GRB2: variants seen among roughly 807,000 people sequenced by gnomAD.
GRB2 encodes growth factor receptor bound protein 2.
A neutral mutation model predicts 27.4 loss-of-function variants in GRB2; 2 were observed. The observed-to-expected ratio is 0.07, with a 90% CI of 0.03 to 0.23. GRB2 has a LOEUF of 0.23. Among genes scored for constraint, GRB2 ranks in the 10% least tolerant of loss-of-function variants. The pLI is 1.00. For missense variants in GRB2, 102 were observed against 282.4 expected, an observed-to-expected ratio of 0.36 and a Z score of 4.58; for synonymous variants, 94 against 99.6, an observed-to-expected ratio of 0.94 and a Z score of 0.33.
chr17:75,338,161 C>T (rs1400431832), intron 2 of GRB2, among the ~76,000 whole-genome samples: 1 of 151,946 alleles, frequency 6.6e-6, no homozygotes, highest in African/African-American at 2.4e-5. Context: ...AACCTCTGAC[C>T]TCAGGTGATT....
chr17:75,395,560 C>T (rs2079024308), intron 1 of GRB2, among the ~76,000 whole-genome samples: 1 of 152,210 alleles, frequency 6.6e-6, no homozygotes, highest in Admixed American at 6.5e-5. Context: ...CACAGGCGAT[C>T]ACTCTCGATT....
Position 75,401,370 on chromosome 17 carries a change from G to C in GRB2, c.-138+4119C>G, listed in dbSNP as rs570978852. Among the ~76,000 whole-genome samples the C allele has an allele frequency of 2.9e-3, 436 of 149,978 alleles. 5 individuals carry two copies. Among genetic ancestry groups the C allele is most frequent in the African/African-American group, 9.9e-3 (406 of 40,938 alleles). On this transcript the variant is annotated intron_variant, in intron 1 of 5. Transcript: ENST00000316804. ...TGAGGCAGGAGAATGGCGTGAACCC[G>C]GGAAGCGGAGCTTGCAGTGAGCCGA...
At position 75,403,844 on chromosome 17, in the gene GRB2, T is replaced by C. The variant is rs1055083320; in HGVS notation, c.-138+1645A>G. On this transcript the variant is annotated intron_variant, in intron 1 of 5. Transcript: ENST00000316804. ...AAGAATTAACTCTGGCCGGGCGCGG[T>C]GGCTCACGCCTGTAATCCCAACACT... is the stretch of plus-strand genomic sequence containing the variant. 2.0e-4 allele frequency among the ~76,000 whole-genome samples: 30 copies of C among 152,202 alleles called. 1 individual carries two copies. The highest frequency in any genetic ancestry group is 4.0e-4 in the Non-Finnish European group (27 of 68,028).
chr17:75,324,507 G>GTCTTTTTTT (rs1555608338), intron 4 of GRB2, among the ~76,000 whole-genome samples: 3 of 36,706 alleles, frequency 8.2e-5, no homozygotes, highest in Non-Finnish European at 1.1e-4. Context: ...ACCGCACCCA[G>GTCTTTTTTT]TTTTTTTTTT....
At chr17:75,328,001 A>G (rs1024818852) in intron 3 of GRB2, among the ~76,000 whole-genome samples, 3 of 152,112 alleles carry the variant, frequency 2.0e-5, no homozygotes, top group Non-Finnish European at 2.9e-5. Context: ...GAGAAATCAC[A>G]TATCACTAGA....
At position 75,324,253 on chromosome 17, in the gene GRB2, G is replaced by A. The variant is rs377374350; in HGVS notation, c.299+1645C>T. On this transcript the variant is annotated intron_variant, in intron 4 of 5. Transcript: ENST00000316804. ...CTTACTCTGTCACTCAGGCTGGAGTGTAGTGGCACGATCTTGGCTCATCTG... is the reference window on the plus strand; with the variant it reads ...CTTACTCTGTCACTCAGGCTGGAGTATAGTGGCACGATCTTGGCTCATCTG... Among the ~76,000 whole-genome samples the A allele has an allele frequency of 2.4e-4, 36 of 151,458 alleles. No homozygotes were observed. In the South Asian group the frequency reaches 7.3e-3, roughly 31 times the overall value.
intron 2 of GRB2, among the ~76,000 whole-genome samples, chr17:75,380,165 G>A (rs906431065): frequency 6.6e-6 from 1 of 152,120 alleles, no homozygotes; most frequent in Non-Finnish European, 1.5e-5. Context: ...CCTACACCAA[G>A]AAGAGTTTTA....
At chr17:75,384,258 C>T (rs1037616795) in intron 2 of GRB2, among the ~76,000 whole-genome samples, 1 of 152,190 alleles carries the variant, frequency 6.6e-6, no homozygotes, top group Non-Finnish European at 1.5e-5. Context: ...TAAATCTCAA[C>T]GCTTAAGAAA....
chr17:75,360,430 T>C (rs543760292), intron 2 of GRB2, among the ~76,000 whole-genome samples: 1 of 152,352 alleles, frequency 6.6e-6, no homozygotes, highest in Non-Finnish European at 1.5e-5. Context: ...TCCATATTCC[T>C]ATCATAAAGC....
chr17:75,372,371 G>A (rs1348363676), intron 2 of GRB2: 43 of 152,250 alleles, frequency 2.8e-4, no homozygotes, highest in Admixed American at 2.7e-3. Flanking sequence ...AGGGACTCAT[G>A]AGAACGGGAA....
At chr17:75,358,931 A>G (rs1159812652) in intron 2 of GRB2, among the ~76,000 whole-genome samples, 5 of 126,594 alleles carry the variant, frequency 3.9e-5, no homozygotes, top group African/African-American at 1.3e-4. Context: ...ATATATATAT[A>G]AAATAGGCCA....
intron 2 of GRB2, chr17:75,371,635 C>T (rs2078857403): frequency 1.3e-5 from 2 of 151,978 alleles, no homozygotes; most frequent in African/African-American, 4.8e-5. Flanking sequence ...GAAGAACACC[C>T]AGAAAACCTT....
At chr17:75,400,569 C>T (rs755867636) in intron 1 of GRB2, among the ~76,000 whole-genome samples, 1 of 150,780 alleles carries the variant, frequency 6.6e-6, no homozygotes, top group East Asian at 2.0e-4. Flanking sequence ...CCACCTCCTG[C>T]GTTCAAGCGA....
rs367793206 is a variant in GRB2 at position 75,401,431 on chromosome 17, G to A, written c.-138+4058C>T. Among the ~76,000 whole-genome samples the A allele has an allele frequency of 1.6e-4, 20 of 121,904 alleles. No individual in the cohort carries two copies. In the East Asian group the frequency reaches 2.9e-3, roughly 18 times the overall value. The allele number at this position is 121,904 out of a possible 152,430, so 80.0% of individuals were successfully genotyped here. On this transcript the variant is annotated intron_variant, in intron 1 of 5. Coordinates refer to ENST00000316804, the MANE Select transcript of GRB2 (RefSeq NM_002086.5). Reference sequence around the variant, plus strand: ...CTGCAGTCCGCAGTCCGGCCTGGGCGACAGAGCGAGACTCCGTCTCAAAAA... The same window carrying A: ...CTGCAGTCCGCAGTCCGGCCTGGGCAACAGAGCGAGACTCCGTCTCAAAAA...
rs2078549902 is a variant in GRB2, at chr17:75,332,806, A to G, written c.79-9T>C. 6.5e-7 allele frequency: 1 copy of G among 1,543,924 alleles called. No individual in the cohort carries two copies. Among genetic ancestry groups the G allele is most frequent in the South Asian group, 1.2e-5 (1 of 86,776 alleles). ...CATTCTTCGTTCAAAACCTGAAAAG[A>G]AATAAGACAACAAAAAAACCCAATC... On this transcript the variant is annotated splice_polypyrimidine_tract_variant and intron_variant, in intron 2 of 5. Coordinates refer to ENST00000316804, the MANE Select transcript of GRB2 (RefSeq NM_002086.5).
chr17:75,321,111 C>T (rs1001574125), intron 5 of GRB2, among the ~76,000 whole-genome samples: 10 of 150,680 alleles, frequency 6.6e-5, no homozygotes, highest in African/African-American at 2.5e-4. Flanking sequence ...GAGAGGCTGG[C>T]AAGCTGGCTA....
At chr17:75,399,367 CTTTT>C (rs71161208) in intron 1 of GRB2, among the ~76,000 whole-genome samples, 5 of 107,948 alleles carry the variant, frequency 4.6e-5, no homozygotes, top group Non-Finnish European at 8.0e-5. Context: ...ACAATCTTTT[CTTTT>C]TTTTTTTTTT....
intron 2 of GRB2, among the ~76,000 whole-genome samples, chr17:75,345,455 T>C (rs1248393817): frequency 6.6e-6 from 1 of 152,172 alleles, no homozygotes; most frequent in East Asian, 1.9e-4. Context: ...GAGGATGTTA[T>C]TGAAAGAAGA....
At chr17:75,326,931 T>C (rs2078502208) in intron 3 of GRB2, among the ~76,000 whole-genome samples, 1 of 152,214 alleles carries the variant, frequency 6.6e-6, no homozygotes, top group African/African-American at 2.4e-5. Context: ...TAGTTATCAT[T>C]TTTAAAAGCA....
Sources: gnomAD v4.1 joint callset for allele counts (sites outside exome capture counted in the v4.1 genomes callset) on GRCh38, gnomAD v4.1.1 for gene constraint, MANE v1.5 for transcripts, NCBI Gene and HGNC (gene_info 2026-07-23, HGNC 2026-07-21) for gene names.